The following GRB2 variants were observed in gnomAD, a reference collection of about 807,000 sequenced individuals.
GRB2 encodes the protein growth factor receptor bound protein 2.
Under a neutral mutation model 27.4 loss-of-function variants are expected in GRB2, and 2 were observed. The observed-to-expected ratio is 0.07, with a 90% confidence interval of 0.03 to 0.23. GRB2 has a LOEUF of 0.23. Among genes scored for constraint, GRB2 ranks in the 10% least tolerant of loss-of-function variants. The pLI is 1.00. For synonymous variants in GRB2, 94 were observed against 99.6 expected, an observed-to-expected ratio of 0.94 and a Z score of 0.33; for missense variants, 102 against 282.4, an observed-to-expected ratio of 0.36 and a Z score of 4.58.
At chr17:75,350,254 A>C (rs2078681916) in intron 2 of GRB2, among the ~76,000 whole-genome samples, 1 of 151,066 alleles carries the variant, frequency 6.6e-6, no homozygotes, top group South Asian at 2.1e-4. Flanking sequence ...AAAAAAAAAG[A>C]CTGAGTAAAC....
At chr17:75,404,381 C>A (rs1181759171) in intron 1 of GRB2, among the ~76,000 whole-genome samples, 4 of 151,780 alleles carry the variant, frequency 2.6e-5, no homozygotes, top group Non-Finnish European at 5.9e-5. Context: ...GCAGGGGACG[C>A]GCAAAAGTAA....
At chr17:75,345,187 C>T (rs1219148453) in intron 2 of GRB2, among the ~76,000 whole-genome samples, 1 of 151,992 alleles carries the variant, frequency 6.6e-6, no homozygotes, top group Non-Finnish European at 1.5e-5. Flanking sequence ...GGACTACAGG[C>T]GCCCGCCACC....
chr17:75,340,813 G>A (rs2078615705), intron 2 of GRB2, among the ~76,000 whole-genome samples: 2 of 152,186 alleles, frequency 1.3e-5, no homozygotes, highest in Admixed American at 1.3e-4. Context: ...AATGCTGCCT[G>A]CTATGCTGTG....
At position 75,363,352 on chromosome 17, in the gene GRB2, T is replaced by C. The variant is rs114036881; in HGVS notation, c.78+30199A>G. Among the ~76,000 whole-genome samples the C allele has an allele frequency of 6.9e-3, 1,047 of 152,306 alleles. 13 individuals are homozygous for C. Among genetic ancestry groups the C allele is most frequent in the African/African-American group, 0.024 (1,001 of 41,564 alleles). Reference sequence around the variant, plus strand: ...CTACTTTTACTTCCACACAGTCTCATTTCATTTTCTGCTTCTAAACTTTCT... The same window carrying C: ...CTACTTTTACTTCCACACAGTCTCACTTCATTTTCTGCTTCTAAACTTTCT... On this transcript the variant is annotated intron_variant, in intron 2 of 5. Transcript: ENST00000316804.
At chr17:75,403,257 G>C (rs555748611) in intron 1 of GRB2, among the ~76,000 whole-genome samples, 2 of 151,236 alleles carry the variant, frequency 1.3e-5, no homozygotes, top group African/African-American at 4.8e-5. Flanking sequence ...TTTCTCTCCG[G>C]AGGGCATGGT....
chr17:75,359,493 G>A (rs2078764368), intron 2 of GRB2, among the ~76,000 whole-genome samples: 1 of 139,948 alleles, frequency 7.1e-6, no homozygotes, highest in Admixed American at 7.8e-5. Flanking sequence ...GTGACAGAGT[G>A]AGGCATTGTC....
chr17:75,373,796 GTATTTTT>G (rs2078871843), intron 2 of GRB2: 1 of 114,340 alleles, frequency 8.7e-6, no homozygotes. Flanking sequence ...CAAGGTACTG[GTATTTTT>G]TTTTTTTTTT....
intron 2 of GRB2, among the ~76,000 whole-genome samples, chr17:75,340,948 C>A (rs2078616474): frequency 6.6e-6 from 1 of 152,088 alleles, no homozygotes; most frequent in Non-Finnish European, 1.5e-5. Context: ...ATTGCTCACC[C>A]AGGAACACAG....
chr17:75,362,018 T>G (rs974096694), intron 2 of GRB2, among the ~76,000 whole-genome samples: 1 of 152,206 alleles, frequency 6.6e-6, no homozygotes, highest in South Asian at 2.1e-4. Flanking sequence ...GTATTCCTGG[T>G]TAAGTGTCAG....
In GRB2 at chr17:75,319,470, G is replaced by T. The variant is rs1217138800; in HGVS notation, c.*898C>A. The stretch of plus-strand genomic sequence containing the variant: ...GGCTTTTTTTTTTTTTTTTTGAGAC[G>T]GAATCTCGCTCTGTCACCCAGGCTG... On this transcript the variant is annotated 3_prime_UTR_variant, in exon 6 of 6. Transcript: ENST00000316804. 2.1e-5 allele frequency: 3 copies of T among 140,864 alleles called. No homozygotes were observed. Among genetic ancestry groups the T allele is most frequent in the African/African-American group, 8.1e-5 (3 of 37,138 alleles). 8.7% of individuals were successfully genotyped at this position (140,864 alleles called of 1,614,324 possible).
At chr17:75,403,532 A>G (rs577801576) in intron 1 of GRB2, among the ~76,000 whole-genome samples, 27 of 151,760 alleles carry the variant, frequency 1.8e-4, no homozygotes, top group Non-Finnish European at 3.4e-4. Flanking sequence ...CCCAAGGCTG[A>G]GATGGGCAGA....
chr17:75,339,288 G>A (rs1598225117), intron 2 of GRB2: 1 of 547,956 alleles, frequency 1.8e-6, no homozygotes, highest in East Asian at 3.3e-5. Flanking sequence ...CCGCCTCCTG[G>A]GTTCACGCCA....
intron 2 of GRB2, among the ~76,000 whole-genome samples, chr17:75,377,717 G>A (rs1247601994): frequency 3.3e-5 from 5 of 151,018 alleles, no homozygotes; most frequent in East Asian, 2.0e-4. Context: ...GACCAGCCTG[G>A]CCAACATGGC....
chr17:75,354,211 G>A (rs1188296629), intron 2 of GRB2, among the ~76,000 whole-genome samples: 1 of 130,606 alleles, frequency 7.7e-6, no homozygotes, highest in African/African-American at 2.9e-5. Context: ...AAGAGACATT[G>A]TTTTCTGGTA....
intron 2 of GRB2, among the ~76,000 whole-genome samples, chr17:75,333,312 G>A (rs1598221211): frequency 6.6e-6 from 1 of 152,142 alleles, no homozygotes. Context: ...CTGGCCTCAG[G>A]TGATCTGCCC....
intron 2 of GRB2, among the ~76,000 whole-genome samples, chr17:75,364,284 C>G (rs1361752420): frequency 6.6e-6 from 1 of 152,182 alleles, no homozygotes; most frequent in African/African-American, 2.4e-5. Flanking sequence ...TATTACATAC[C>G]TATGTAGACA....
At chr17:75,351,825 TA>T in intron 2 of GRB2, among the ~76,000 whole-genome samples, 1 of 152,256 alleles carries the variant, frequency 6.6e-6, no homozygotes, top group East Asian at 1.9e-4. Context: ...CATAACCAAT[TA>T]CCAATTCAAA....
At chr17:75,390,391 G>C (rs1323172952) in intron 2 of GRB2, among the ~76,000 whole-genome samples, 1 of 152,068 alleles carries the variant, frequency 6.6e-6, no homozygotes, top group Non-Finnish European at 1.5e-5. Flanking sequence ...ACTATTTAGG[G>C]GTCTTGTCAG....
chr17:75,358,852 C>A (rs1314346911), intron 2 of GRB2, among the ~76,000 whole-genome samples: 1 of 135,602 alleles, frequency 7.4e-6, no homozygotes, highest in Non-Finnish European at 1.5e-5. Context: ...CCACTGCACT[C>A]CAGCATGGCG....
Sources: gnomAD v4.1 joint callset for allele counts (sites outside exome capture counted in the v4.1 genomes callset) on GRCh38, gnomAD v4.1.1 for gene constraint, MANE v1.5 for transcripts, NCBI Gene and HGNC (gene_info 2026-07-23, HGNC 2026-07-21) for gene names.